Variants in PRKCA observed in about 807,000 individuals in gnomAD.
The protein encoded by PRKCA is protein kinase C alpha type.
A neutral mutation model predicts 87.0 loss-of-function variants in PRKCA; 27 were observed. The ratio of observed to expected loss-of-function variants is 0.31; its 90% CI spans 0.23 to 0.43. The LOEUF (loss-of-function observed/expected upper bound fraction) is 0.43. Among genes scored for constraint, PRKCA ranks in the 20% least tolerant of loss-of-function variants. PRKCA has a pLI of 1.00. For missense variants in PRKCA, 518 were observed against 852.3 expected, an observed-to-expected ratio of 0.61 and a Z score of 4.88; for synonymous variants, 329 against 311.1, an observed-to-expected ratio of 1.06 and a Z score of -0.61.
chr17:66,804,217 A>G lies in PRKCA; in HGVS notation c.*180A>G, dbSNP rs1006193044. On this transcript the variant is annotated 3_prime_UTR_variant, in exon 17 of 17. Coordinates refer to ENST00000413366, the MANE Select transcript of PRKCA (RefSeq NM_002737.3). ...TGTTCAGGGTCTCTCTCTTACAACCAAGAACATTATCTTAGTGGAAGATGG... is the reference window on the plus strand; with the variant it reads ...TGTTCAGGGTCTCTCTCTTACAACCGAGAACATTATCTTAGTGGAAGATGG... 1 of 784,958 alleles carries G rather than the reference A, an allele frequency of 1.3e-6. No individual in the cohort carries two copies. Among genetic ancestry groups the G allele is most frequent in the Non-Finnish European group, 1.9e-6 (1 of 528,404 alleles). 48.6% of individuals were successfully genotyped at this position (784,958 alleles called of 1,614,324 possible).
intron 3 of PRKCA, among the ~76,000 whole-genome samples, chr17:66,539,922 A>G (rs1037202107): frequency 6.6e-6 from 1 of 152,228 alleles, no homozygotes; most frequent in African/African-American, 2.4e-5. Flanking sequence ...AGTTTTAGAA[A>G]AGGTCACCAC....
chr17:66,320,293 G>A (rs1279073432), intron 2 of PRKCA, among the ~76,000 whole-genome samples: 1 of 151,952 alleles, frequency 6.6e-6, no homozygotes, highest in African/African-American at 2.4e-5. Flanking sequence ...ATGACCCTGT[G>A]CTATGAACCT....
At chr17:66,715,489 C>T (rs894084105) in intron 8 of PRKCA, among the ~76,000 whole-genome samples, 2 of 152,228 alleles carry the variant, frequency 1.3e-5, no homozygotes, top group Admixed American at 1.3e-4. Flanking sequence ...CTCCCTTCCC[C>T]CCAGGCCCTT....
chr17:66,740,470 T>C (rs886506661), intron 11 of PRKCA, among the ~76,000 whole-genome samples: 4 of 152,098 alleles, frequency 2.6e-5, no homozygotes, highest in Non-Finnish European at 5.9e-5. Context: ...TGCTGTGCCA[T>C]CTAAGAGACA....
chr17:66,555,751 C>T (rs1170522852), intron 3 of PRKCA, among the ~76,000 whole-genome samples: 1 of 152,018 alleles, frequency 6.6e-6, no homozygotes, highest in Non-Finnish European at 1.5e-5. Context: ...ATTGCTGAGA[C>T]TTCTATTATG....
intron 3 of PRKCA, among the ~76,000 whole-genome samples, chr17:66,631,568 G>A (rs568490141): frequency 9.9e-5 from 15 of 152,180 alleles, no homozygotes; most frequent in East Asian, 1.9e-4. Flanking sequence ...ACAAGCATGC[G>A]CCACTGCACC....
intron 2 of PRKCA, among the ~76,000 whole-genome samples, chr17:66,462,950 A>ACACG (rs1007178936): frequency 2.8e-5 from 3 of 108,652 alleles, no homozygotes; most frequent in Non-Finnish European, 6.4e-5. Context: ...ACACACACAC[A>ACACG]CACACACACA....
chr17:66,485,945 T>A (rs1915972056), intron 2 of PRKCA, among the ~76,000 whole-genome samples: 1 of 152,160 alleles, frequency 6.6e-6, no homozygotes, highest in Non-Finnish European at 1.5e-5. Context: ...TAGAACGTGT[T>A]GCAATGATTA....
intron 14 of PRKCA, chr17:66,775,719 T>G: frequency 1.0e-6 from 1 of 985,452 alleles, no homozygotes; most frequent in Non-Finnish European, 1.2e-6. Context: ...CCTTCCCACA[T>G]GTTACGTCCA....
intron 13 of PRKCA, among the ~76,000 whole-genome samples, chr17:66,771,686 C>T (rs868595059): frequency 3.3e-4 from 51 of 152,244 alleles, no homozygotes; most frequent in African/African-American, 1.1e-3. Context: ...ACCTCCACCT[C>T]CCGGGTTCAA....
chr17:66,304,016 AG>A (rs1394943770), intron 1 of PRKCA, among the ~76,000 whole-genome samples: 3 of 152,192 alleles, frequency 2.0e-5, no homozygotes, highest in Non-Finnish European at 4.4e-5. Context: ...AAAATGAAAC[AG>A]ACCCTGTCAA....
chr17:66,758,167 A>G (rs1324339626), intron 13 of PRKCA, among the ~76,000 whole-genome samples: 2 of 152,236 alleles, frequency 1.3e-5, no homozygotes, highest in Admixed American at 1.3e-4. Context: ...GTGTTCTTCA[A>G]CATGAGGCCG....
intron 3 of PRKCA, among the ~76,000 whole-genome samples, chr17:66,609,410 A>G (rs999827069): frequency 3.9e-5 from 6 of 152,228 alleles, no homozygotes; most frequent in South Asian, 2.1e-4. Flanking sequence ...AGCAGTGTCT[A>G]TTGAGCAAAC....
At chr17:66,530,542 G>C (rs1454087423) in intron 3 of PRKCA, among the ~76,000 whole-genome samples, 1 of 152,156 alleles carries the variant, frequency 6.6e-6, no homozygotes, top group Non-Finnish European at 1.5e-5. Flanking sequence ...TTGACTCTCA[G>C]TTTTCAAGAG....
intron 2 of PRKCA, among the ~76,000 whole-genome samples, chr17:66,474,265 T>G (rs187198026): frequency 5.9e-5 from 9 of 152,314 alleles, no homozygotes; most frequent in African/African-American, 2.2e-4. Flanking sequence ...CTCAGAACTT[T>G]CCAGTGACAT....
At chr17:66,417,926 C>A (rs1043367301) in intron 2 of PRKCA, among the ~76,000 whole-genome samples, 5 of 152,144 alleles carry the variant, frequency 3.3e-5, no homozygotes, top group Non-Finnish European at 5.9e-5. Flanking sequence ...TATGGTAACT[C>A]CCATGCTAGG....
intron 3 of PRKCA, among the ~76,000 whole-genome samples, chr17:66,545,290 G>T (rs545624478): frequency 1.3e-5 from 2 of 152,136 alleles, no homozygotes; most frequent in Non-Finnish European, 2.9e-5. Context: ...TTAGCCAGGC[G>T]TGGTGGCGGG....
intron 2 of PRKCA, among the ~76,000 whole-genome samples, chr17:66,458,803 T>A (rs11869711): frequency 0.13 from 20,065 of 152,124 alleles, 1,444 homozygotes; most frequent in Middle Eastern, 0.2. Context: ...TTCTGAGAAT[T>A]GTCTTACTGT....
At chr17:66,491,417 A>T (rs1386075833) in intron 2 of PRKCA, among the ~76,000 whole-genome samples, 1 of 152,238 alleles carries the variant, frequency 6.6e-6, no homozygotes, top group Non-Finnish European at 1.5e-5. Flanking sequence ...CACGACAATC[A>T]TCAGATGGAA....
Sources: allele counts gnomAD v4.1 joint callset (sites outside exome capture counted in the v4.1 genomes callset), GRCh38; gene constraint gnomAD v4.1.1; transcripts MANE v1.5; gene names NCBI Gene and HGNC (gene_info 2026-07-23, HGNC 2026-07-21).